Variants in CCDC117 observed in about 807,000 individuals in gnomAD.
The protein encoded by CCDC117 is coiled-coil domain-containing protein 117.
CCDC117 carries 1 observed loss-of-function variant against 23.5 expected under a neutral mutation model. The observed-to-expected ratio is 0.04, with a 90% CI of 0.02 to 0.20. CCDC117 has a LOEUF of 0.20. Ranked by LOEUF, CCDC117 falls within the 10% of genes least tolerant of loss-of-function variation. The pLI is 1.00. For missense variants in CCDC117, 383 were observed against 348.2 expected (o/e 1.10, Z -0.80); for synonymous variants, 132 against 124.8 (o/e 1.06, Z -0.39).
intron 2 of CCDC117, among the ~76,000 whole-genome samples, chr22:28,780,612 A>C (rs1330101539): frequency 6.6e-6 from 1 of 152,150 alleles, no homozygotes; most frequent in East Asian, 1.9e-4. Flanking sequence ...GGTGTGAGCC[A>C]CCACACCTAG....
At position 28,780,841 on chromosome 22, in the gene CCDC117, C is replaced by T. The variant is rs537737689; in HGVS notation, c.240-107C>T. ...TTCCATCTTGTTACTACACACTTGTCAAAAAAGCTAGTTTTTTAAATACAA... is the reference window on the plus strand; with the variant it reads ...TTCCATCTTGTTACTACACACTTGTTAAAAAAGCTAGTTTTTTAAATACAA... On this transcript the variant is annotated intron_variant, in intron 2 of 4. Coordinates refer to ENST00000249064, the MANE Select transcript of CCDC117 (RefSeq NM_173510.4). 34 of 777,008 alleles carry T rather than the reference C, an allele frequency of 4.4e-5. No homozygotes were observed. In the East Asian group the frequency reaches 8.8e-4, roughly 20 times the overall value. 48.1% of individuals were successfully genotyped at this position (777,008 alleles called of 1,614,324 possible).
intron 2 of CCDC117, among the ~76,000 whole-genome samples, chr22:28,779,970 C>T (rs9620826): frequency 0.015 from 2,318 of 152,284 alleles, 65 homozygotes; most frequent in African/African-American, 0.051. Flanking sequence ...GTAGTGCTTG[C>T]AAATACTACT....
chr22:28,773,776 T>C lies in CCDC117; in HGVS notation c.237T>C (p.Asp79=). The change falls in exon 2 of 5, where the codon GAT becomes GAC. Residue 79 remains aspartate (D), a splice_region_variant and synonymous_variant. Transcript: ENST00000249064. ...KKHKREEEED[D]DCPVRKKRIT... is the part of the protein sequence containing the mutation. Reference sequence around the variant, plus strand: ...ACAAGCGAGAGGAGGAGGAGGATGATGAGTAAGTTTCAGTGGTTGTTTATT... The same window carrying C: ...ACAAGCGAGAGGAGGAGGAGGATGACGAGTAAGTTTCAGTGGTTGTTTATT... 1 of 1,613,036 alleles carries C rather than the reference T, an allele frequency of 6.2e-7. No homozygotes were observed. Among genetic ancestry groups the C allele is most frequent in the Non-Finnish European group, 8.5e-7 (1 of 1,178,936 alleles).
At chr22:28,774,990 G>A (rs1350829231) in intron 2 of CCDC117, among the ~76,000 whole-genome samples, 6 of 152,182 alleles carry the variant, frequency 3.9e-5, no homozygotes, top group African/African-American at 7.2e-5. Flanking sequence ...GAGGCCAGGC[G>A]TGGTGGCTCA....
rs1484458893 is a variant in CCDC117, at chr22:28,786,163, C to G, written c.677C>G (p.Ser226Cys). ...ELLSDKPKPS[S>C]NTKNYTGESQ... ...CTTTCTGATAAGCCAAAGCCATCCTCTAATACTAAGAACTATACAGGAGAG... is the reference window on the plus strand; with the variant it reads ...CTTTCTGATAAGCCAAAGCCATCCTGTAATACTAAGAACTATACAGGAGAG... The change falls in exon 5 of 5, where the codon TCT (serine) becomes TGT (cysteine). Residue 226 changes from serine to cysteine, a missense_variant. Transcript: ENST00000249064. 6.2e-7 allele frequency: 1 copy of G among 1,613,996 alleles called. No homozygotes were observed. The highest frequency in any genetic ancestry group is 1.3e-5 in the African/African-American group (1 of 74,920).
Position 28,773,971 on chromosome 22 carries a change from C to T in CCDC117, c.239+193C>T, listed in dbSNP as rs542844066. ...AGACAGGTCAGAGGGAAACTTTTCG[C>T]TCTATAACAAGTTGTAATATTTGGA... On this transcript the variant is annotated intron_variant, in intron 2 of 4. Transcript: ENST00000249064. 4.6e-5 allele frequency among the ~76,000 whole-genome samples: 7 copies of T among 152,182 alleles called. No homozygotes were observed. In the South Asian group the frequency reaches 6.2e-4, roughly 14 times the overall value.
intron 2 of CCDC117, among the ~76,000 whole-genome samples, chr22:28,775,686 C>A (rs890636537): frequency 1.3e-5 from 2 of 152,106 alleles, no homozygotes; most frequent in Non-Finnish European, 2.9e-5. Flanking sequence ...ATCACGAGGT[C>A]AGGAGTTCAA....
At position 28,773,732 on chromosome 22, in the gene CCDC117, G is replaced by T. The variant is rs1378735683; in HGVS notation, c.193G>T (p.Val65Phe). Residue 65 changes from valine to phenylalanine, a missense_variant, in exon 2 of 5, where the codon GTT (valine) becomes TTT (phenylalanine). By Grantham distance (50) the Val-to-Phe change is conservative. Transcript: ENST00000249064. ...AGSAARGRVS[V>F]HCKKKHKREE... The stretch of plus-strand genomic sequence containing the variant: ...TTTTGTTTGTTTCAACAGTGTTTCT[G>T]TTCACTGTAAAAAGAAACACAAGCG... The T allele has an allele frequency of 6.2e-7, 1 of 1,612,984 alleles. No homozygotes were observed. Among genetic ancestry groups the T allele is most frequent in the Non-Finnish European group, 8.5e-7 (1 of 1,179,066 alleles).
In CCDC117 at chr22:28,786,486, T is replaced by C. The variant is rs2031515820; in HGVS notation, c.*160T>C. On this transcript the variant is annotated 3_prime_UTR_variant, in exon 5 of 5. Transcript: ENST00000249064. ...GGGACTCTTATTTTGGGTAGCCATT[T>C]ATTGACTTCACCTTTTTGCCAAGGA... is the stretch of plus-strand genomic sequence containing the variant. 4 of 579,898 alleles carry C rather than the reference T, an allele frequency of 6.9e-6. No homozygotes were observed. The highest frequency in any genetic ancestry group is 6.7e-5 in the Admixed American group (2 of 29,746). 35.9% of individuals were successfully genotyped at this position (579,898 alleles called of 1,614,324 possible).
chr22:28,781,321 TG>T (rs1165952845), intron 3 of CCDC117, 149 bp downstream of exon 3: 24 of 433,600 alleles, frequency 5.5e-5, no homozygotes, highest in African/African-American at 2.4e-4. Flanking sequence ...TATTCGTTTT[TG>T]TTTTTTTGTT....
At chr22:28,782,292 T>C (rs2031370574) in intron 3 of CCDC117, among the ~76,000 whole-genome samples, 1 of 139,272 alleles carries the variant, frequency 7.2e-6, no homozygotes. Context: ...AGTGTTGCTC[T>C]GTCACCCAGG....
Position 28,786,584 on chromosome 22 carries a change from A to T in CCDC117, c.*258A>T. 1 of 421,980 alleles carries T rather than the reference A, an allele frequency of 2.4e-6. No individual in the cohort carries two copies. Among genetic ancestry groups the T allele is most frequent in the Non-Finnish European group, 4.3e-6 (1 of 233,108 alleles). The allele number at this position is 421,980 out of a possible 1,614,324, so 26.1% of individuals were successfully genotyped here. On this transcript the variant is annotated 3_prime_UTR_variant, in exon 5 of 5. Coordinates refer to ENST00000249064, the MANE Select transcript of CCDC117 (RefSeq NM_173510.4). The stretch of plus-strand genomic sequence containing the variant: ...ATGTTGGTTTACATTGTCTTCAAAG[A>T]CAAGTATAGAAGCTGTATGTGTAAG...
In CCDC117 at chr22:28,777,516, T is replaced by C. The variant is rs1482924003; in HGVS notation, c.240-3432T>C. On this transcript the variant is annotated intron_variant, in intron 2 of 4. Coordinates refer to ENST00000249064, the MANE Select transcript of CCDC117 (RefSeq NM_173510.4). ...ACTGGACATCTTTTCTTTTTTTTTTTCTTTTTTTTTTTGAGATGGACTCTT... is the reference window on the plus strand; with the variant it reads ...ACTGGACATCTTTTCTTTTTTTTTTCCTTTTTTTTTTTGAGATGGACTCTT... Among the ~76,000 whole-genome samples the C allele has an allele frequency of 2.6e-5, 4 of 151,330 alleles. No homozygotes were observed. The East Asian group carries it at 5.8e-4, about 22-fold the overall frequency.
intron 4 of CCDC117, 144 bp downstream of exon 4, chr22:28,783,789 G>T: frequency 2.7e-6 from 2 of 743,240 alleles, no homozygotes; most frequent in South Asian, 1.8e-5. Flanking sequence ...TAGTTCATTA[G>T]GGGTGAGCAA....
intron 2 of CCDC117, among the ~76,000 whole-genome samples, chr22:28,780,425 G>A (rs1479286161): frequency 6.6e-6 from 1 of 152,212 alleles, no homozygotes; most frequent in Non-Finnish European, 1.5e-5. Flanking sequence ...GTTTGATGGA[G>A]CAGTAGCAGT....
chr22:28,773,398 A>T (rs1000105391), intron 1 of CCDC117: 8 of 269,176 alleles, frequency 3.0e-5, no homozygotes, highest in Admixed American at 2.9e-4. Flanking sequence ...TATGCCAAGC[A>T]TGGGACAGAA....
intron 2 of CCDC117, among the ~76,000 whole-genome samples, chr22:28,774,013 T>C (rs1024377153): frequency 6.6e-6 from 1 of 152,180 alleles, no homozygotes; most frequent in African/African-American, 2.4e-5. Flanking sequence ...GCCATGTTAA[T>C]ATTACATGCA....
chr22:28,773,990 A>G (rs1325237235), intron 2 of CCDC117, among the ~76,000 whole-genome samples: 1 of 152,096 alleles, frequency 6.6e-6, no homozygotes, highest in Non-Finnish European at 1.5e-5. Context: ...AAGTTGTAAT[A>G]TTTGGATTTT....
intron 2 of CCDC117, among the ~76,000 whole-genome samples, chr22:28,777,026 C>T (rs1280889220): frequency 6.8e-6 from 1 of 148,104 alleles, no homozygotes; most frequent in Non-Finnish European, 1.5e-5. Context: ...GGCCAGTATA[C>T]TGTAGCTGTT....
Sources: allele counts gnomAD v4.1 joint callset (sites outside exome capture counted in the v4.1 genomes callset), GRCh38; gene constraint gnomAD v4.1.1; transcripts MANE v1.5; gene names NCBI Gene and HGNC (gene_info 2026-07-23, HGNC 2026-07-21).